Variants in TENM3 observed in about 807,000 individuals in gnomAD.
The protein encoded by TENM3 is teneurin-3.
TENM3 carries 63 observed loss-of-function variants against 255.1 expected under a neutral mutation model. That is an observed-to-expected ratio of 0.25 (90% confidence interval 0.20 to 0.30). The LOEUF is 0.30. Among genes scored for constraint, TENM3 ranks in the 10% least tolerant of loss-of-function variants. The pLI, the probability that TENM3 is intolerant of heterozygous loss-of-function variation, is 1.00. For synonymous variants in TENM3, 1,306 were observed against 1,322.3 expected (o/e 0.99, Z 0.27); for missense variants, 2,929 against 3,461.1 (o/e 0.85, Z 3.86).
intron 16 of TENM3, among the ~76,000 whole-genome samples, chr4:182,731,544 G>T (rs886291454): frequency 6.6e-6 from 1 of 150,718 alleles, no homozygotes. Context: ...AAAAACCCAC[G>T]GATTATAGAA....
chr4:181,521,369 A>G, the TENM3 span, among the ~76,000 whole-genome samples: 3 of 152,360 alleles, frequency 2.0e-5, no homozygotes, highest in East Asian at 1.9e-4. Flanking sequence ...TGTTAAATAT[A>G]TAAGCTTTGT....
the TENM3 span, among the ~76,000 whole-genome samples, chr4:182,113,649 C>G: frequency 6.6e-6 from 1 of 151,932 alleles, no homozygotes; most frequent in Admixed American, 6.6e-5. Context: ...AGTCAAACAC[C>G]AAATAAGTAT....
intron 1 of TENM3, among the ~76,000 whole-genome samples, chr4:182,317,290 T>C (rs1396282124): frequency 6.6e-6 from 1 of 152,102 alleles, no homozygotes; most frequent in African/African-American, 2.4e-5. Flanking sequence ...CTATATTTCC[T>C]TTCACAGTCT....
At chr4:181,496,808 G>A in the TENM3 span, among the ~76,000 whole-genome samples, 1 of 152,106 alleles carries the variant, frequency 6.6e-6, no homozygotes, top group Admixed American at 6.5e-5. Context: ...ATACTTATGA[G>A]CCCTGAGGAT....
Position 182,665,038 on chromosome 4 carries a change from G to A in TENM3, c.1112-7967G>A, listed in dbSNP as rs532882947. Among the ~76,000 whole-genome samples, 192 of 152,326 alleles carry A rather than the reference G, an allele frequency of 1.3e-3. 2 individuals are homozygous for A. The highest frequency in any genetic ancestry group is 6.8e-3 in the Middle Eastern group (2 of 294). ...CTACACTAAACAGATTTTCAATGTA[G>A]ATGAAAGAGCCTTAGACTGGAAGAA... is the stretch of plus-strand genomic sequence containing the variant. On this transcript the variant is annotated intron_variant, in intron 6 of 27. Coordinates refer to ENST00000511685, the MANE Select transcript of TENM3 (RefSeq NM_001080477.4).
chr4:182,343,301 G>A (rs1764600470), intron 2 of TENM3, among the ~76,000 whole-genome samples: 1 of 152,034 alleles, frequency 6.6e-6, no homozygotes, highest in South Asian at 2.1e-4. Context: ...ACTCTTGTTG[G>A]CTCTGCTGAT....
chr4:182,673,299 TGTTTG>T lies in TENM3; in HGVS notation c.1326+84_1326+88del, dbSNP rs1266314329. ...AATTATTCTCTTTCTTAAGCTCAGC[TGTTTG>T]GTTAACTGTTTGACGACTTTTGAAT... On this transcript the variant is annotated intron_variant, in intron 7 of 27. Transcript: ENST00000511685. 62 of 1,012,984 alleles carry T rather than the reference TGTTTG, an allele frequency of 6.1e-5. No individual in the cohort carries two copies. The African/African-American group carries it at 8.1e-4, about 13-fold the overall frequency. 62.7% of individuals were successfully genotyped at this position (1,012,984 alleles called of 1,614,324 possible).
At chr4:181,758,169 G>C in the TENM3 span, among the ~76,000 whole-genome samples, 1 of 152,114 alleles carries the variant, frequency 6.6e-6, no homozygotes, top group Non-Finnish European at 1.5e-5. Context: ...GGATGGACTT[G>C]AATAAAAATG....
intron 25 of TENM3, among the ~76,000 whole-genome samples, chr4:182,790,538 A>G (rs1766019959): frequency 6.6e-6 from 1 of 152,042 alleles, no homozygotes; most frequent in African/African-American, 2.4e-5. Context: ...GTAGGATGCT[A>G]CCTCTCTTAC....
chr4:182,371,648 C>T lies in TENM3; in HGVS notation c.511+24719C>T, dbSNP rs114289196. ...TAGATTAGGATTTTCTGATCATTCTCTTCCCACATCCTCTAGTCTTACCAA... is the reference window on the plus strand; with the variant it reads ...TAGATTAGGATTTTCTGATCATTCTTTTCCCACATCCTCTAGTCTTACCAA... On this transcript the variant is annotated intron_variant, in intron 3 of 27. Transcript: ENST00000511685. 4.5e-3 allele frequency among the ~76,000 whole-genome samples: 688 copies of T among 152,314 alleles called. 3 individuals are homozygous for T. The highest frequency in any genetic ancestry group is 8.2e-3 in the Non-Finnish European group (557 of 68,028).
the TENM3 span, among the ~76,000 whole-genome samples, chr4:181,715,488 A>C: frequency 6.6e-6 from 1 of 152,192 alleles, no homozygotes; most frequent in Admixed American, 6.5e-5. Flanking sequence ...TAGTTTATAA[A>C]TATTATACTT....
chr4:181,554,655 A>G, the TENM3 span, among the ~76,000 whole-genome samples: 4 of 152,336 alleles, frequency 2.6e-5, no homozygotes, highest in African/African-American at 9.6e-5. Flanking sequence ...ATTCTTTATT[A>G]ATTTAGCCTT....
chr4:182,482,123 A>T (rs1459896562), intron 3 of TENM3, among the ~76,000 whole-genome samples: 1 of 152,216 alleles, frequency 6.6e-6, no homozygotes, highest in East Asian at 1.9e-4. Flanking sequence ...ATTTTATTAA[A>T]TATTGTATCT....
At chr4:181,607,594 G>T in the TENM3 span, among the ~76,000 whole-genome samples, 1 of 151,690 alleles carries the variant, frequency 6.6e-6, no homozygotes, top group Admixed American at 6.6e-5. Flanking sequence ...TAGTAGAGAC[G>T]GGGTTTCACC....
At chr4:181,788,244 T>A in the TENM3 span, among the ~76,000 whole-genome samples, 1 of 152,164 alleles carries the variant, frequency 6.6e-6, no homozygotes, top group Non-Finnish European at 1.5e-5. Flanking sequence ...ATCCCTTATT[T>A]GCCTCTGATC....
intron 7 of TENM3, among the ~76,000 whole-genome samples, chr4:182,678,340 A>G (rs1028167855): frequency 6.6e-6 from 1 of 152,248 alleles, no homozygotes; most frequent in African/African-American, 2.4e-5. Context: ...ACTTAGGTTT[A>G]ATGATGACCC....
At chr4:182,172,044 C>T (rs1752143826) in intron 1 of TENM3, among the ~76,000 whole-genome samples, 2 of 151,830 alleles carry the variant, frequency 1.3e-5, no homozygotes, top group South Asian at 4.1e-4. Context: ...TATTCATGAG[C>T]TGACATAATT....
chr4:182,182,117 T>C (rs1017122555), intron 1 of TENM3, among the ~76,000 whole-genome samples: 1 of 152,304 alleles, frequency 6.6e-6, no homozygotes, highest in South Asian at 2.1e-4. Context: ...AACTGGATGG[T>C]TGTATCCACC....
the TENM3 span, among the ~76,000 whole-genome samples, chr4:181,702,269 C>T: frequency 1.1e-4 from 16 of 152,300 alleles, no homozygotes; most frequent in East Asian, 7.7e-4. Context: ...GATGTCAGAT[C>T]AGTGCTAATG....
Sources: gnomAD v4.1 joint callset for allele counts (sites outside exome capture counted in the v4.1 genomes callset) on GRCh38, gnomAD v4.1.1 for gene constraint, MANE v1.5 for transcripts, NCBI Gene and HGNC (gene_info 2026-07-23, HGNC 2026-07-21) for gene names.